Variants in LSM14A observed in about 807,000 individuals in gnomAD.
LSM14A encodes protein LSM14 homolog A.
In LSM14A, 14 loss-of-function variants were observed where a neutral mutation model predicts 52.4. That is an observed-to-expected ratio of 0.27 (90% CI 0.18 to 0.42). The LOEUF (loss-of-function observed/expected upper bound fraction) is 0.42, where lower values mean the gene tolerates loss of function less well. Ranked by LOEUF, LSM14A falls within the 10% of genes least tolerant of loss-of-function variation. LSM14A has a pLI of 1.00. For synonymous variants in LSM14A, 185 were observed against 200.3 expected, an observed-to-expected ratio of 0.92 and a Z score of 0.64; for missense variants, 417 against 581.8, an observed-to-expected ratio of 0.72 and a Z score of 2.91.
At chr19:34,204,967 A>C (rs2071572345) in intron 3 of LSM14A, among the ~76,000 whole-genome samples, 2 of 151,996 alleles carry the variant, frequency 1.3e-5, no homozygotes, top group Non-Finnish European at 2.9e-5. Context: ...ACTCGTCTCT[A>C]TTAAAAATAC....
chr19:34,218,255 C>T (rs1341288484), intron 6 of LSM14A, among the ~76,000 whole-genome samples: 3 of 152,150 alleles, frequency 2.0e-5, no homozygotes, highest in Non-Finnish European at 4.4e-5. Context: ...CCGCCCGCCC[C>T]GGCCTCCCAA....
intron 3 of LSM14A, among the ~76,000 whole-genome samples, chr19:34,206,453 G>A (rs1427319177): frequency 6.6e-6 from 1 of 151,930 alleles, no homozygotes; most frequent in Non-Finnish European, 1.5e-5. Context: ...CAGATCACGA[G>A]GTCAGGAGAT....
At position 34,227,789 on chromosome 19, in the gene LSM14A, G is replaced by GT. The variant is rs1297172800; in HGVS notation, c.*403dup. ...GATACTGTGTTTTGAGCCACAGAAGGTTGTGTGTGTGTGTGTGTGTGTGTG... is the reference window on the plus strand; with the variant it reads ...GATACTGTGTTTTGAGCCACAGAAGGTTTGTGTGTGTGTGTGTGTGTGTGTG... On this transcript the variant is annotated 3_prime_UTR_variant, in exon 10 of 10. Coordinates refer to ENST00000544216, the MANE Select transcript of LSM14A (RefSeq NM_015578.4). 146 of 125,590 alleles carry GT rather than the reference G, an allele frequency of 1.2e-3. No homozygotes were observed. The highest frequency in any genetic ancestry group is 4.5e-3 in the African/African-American group (125 of 28,080). 7.8% of individuals were successfully genotyped at this position (125,590 alleles called of 1,614,324 possible).
At chr19:34,185,920 T>G (rs1030931976) in intron 1 of LSM14A, among the ~76,000 whole-genome samples, 6 of 152,250 alleles carry the variant, frequency 3.9e-5, no homozygotes, top group African/African-American at 1.4e-4. Context: ...CACTTTCCCA[T>G]TCTATCAACA....
chr19:34,227,476 T>A lies in LSM14A; in HGVS notation c.*88T>A. On this transcript the variant is annotated 3_prime_UTR_variant, in exon 10 of 10. Transcript: ENST00000544216. ...TCAGTCTTTGCAAAGAATGAAGAAG[T>A]GAATTCGCTGTACATTTGTCACCAG... 1 of 1,002,684 alleles carries A rather than the reference T, an allele frequency of 1.0e-6. No homozygotes were observed. Among genetic ancestry groups the A allele is most frequent in the Non-Finnish European group, 1.5e-6 (1 of 678,712 alleles). 62.1% of individuals were successfully genotyped at this position (1,002,684 alleles called of 1,614,324 possible).
At chr19:34,221,363 T>A (rs560061968) in intron 8 of LSM14A, 144 bp from the exon 9 acceptor site, 1 of 950,228 alleles carries the variant, frequency 1.1e-6, no homozygotes, top group South Asian at 1.8e-5. Context: ...ATTACAGGCG[T>A]GAGCCATCAC....
intron 4 of LSM14A, among the ~76,000 whole-genome samples, chr19:34,212,790 A>G (rs2072267055): frequency 6.6e-6 from 1 of 152,210 alleles, no homozygotes; most frequent in Admixed American, 6.5e-5. Flanking sequence ...AGGCCTTAAT[A>G]GTGAAAAGGC....
intron 1 of LSM14A, among the ~76,000 whole-genome samples, chr19:34,181,513 C>T (rs753331485): frequency 2.6e-5 from 4 of 152,166 alleles, no homozygotes; most frequent in Admixed American, 1.3e-4. Flanking sequence ...TAGTCTCATT[C>T]TACTTCACCA....
rs1417944336 is a variant in LSM14A at position 34,211,421 on chromosome 19, T to A, written c.538+2370T>A. Reference sequence around the variant, plus strand: ...AAATATATAATAAGAAATAAGTTGGTCATACTAAGAAATATGACCAACTTC... The same window carrying A: ...AAATATATAATAAGAAATAAGTTGGACATACTAAGAAATATGACCAACTTC... On this transcript the variant is annotated intron_variant, in intron 4 of 9. Transcript: ENST00000544216. Among the ~76,000 whole-genome samples, 3 of 151,934 alleles carry A rather than the reference T, an allele frequency of 2.0e-5. No homozygotes were observed. The East Asian group carries it at 5.8e-4, about 29-fold the overall frequency.
At chr19:34,188,700 A>G (rs2070122705) in intron 1 of LSM14A, among the ~76,000 whole-genome samples, 1 of 152,114 alleles carries the variant, frequency 6.6e-6, no homozygotes, top group Non-Finnish European at 1.5e-5. Context: ...AAGGAATCAT[A>G]CACTGTGTGA....
chr19:34,211,795 A>C (rs185617454), intron 4 of LSM14A, among the ~76,000 whole-genome samples: 1,653 of 148,224 alleles, frequency 0.011, 14 homozygotes, highest in African/African-American at 0.015. Flanking sequence ...GTCCCCCCCC[A>C]AAAAAAAAAG....
chr19:34,218,113 C>T (rs1171999931), intron 6 of LSM14A, among the ~76,000 whole-genome samples: 1 of 151,578 alleles, frequency 6.6e-6, no homozygotes, highest in Non-Finnish European at 1.5e-5. Context: ...AAGCCATTCT[C>T]CTGCCTCAGC....
In LSM14A at chr19:34,196,703, A is replaced by T; in HGVS notation, c.355A>T (p.Thr119Ser). 6.2e-7 allele frequency: 1 copy of T among 1,613,704 alleles called. No individual in the cohort carries two copies. The highest frequency in any genetic ancestry group is 8.5e-7 in the Non-Finnish European group (1 of 1,179,900). Reference protein sequence around the residue: ...GSYGPFGRMPTYSQFSPSSLV... With the variant: ...GSYGPFGRMPSYSQFSPSSLV... ...TTATGGACCTTTCGGCAGGATGCCCACATACAGTCAGTTCAGTCCGAGTTC... is the reference window on the plus strand; with the variant it reads ...TTATGGACCTTTCGGCAGGATGCCCTCATACAGTCAGTTCAGTCCGAGTTC... The change falls in exon 3 of 10, where the codon ACA (threonine) becomes TCA (serine). Residue 119 changes from threonine to serine, a missense_variant. Thr to Ser is a moderately conservative substitution (Grantham distance 58). Transcript: ENST00000544216.
At chr19:34,218,014 T>TTTC (rs1491143723) in intron 6 of LSM14A, among the ~76,000 whole-genome samples, 28 of 89,152 alleles carry the variant, frequency 3.1e-4, no homozygotes, top group Admixed American at 4.8e-4. Context: ...TTTTTTTTTT[T>TTTC]CCCCCTGGAG....
chr19:34,192,039 C>G (rs2070416805), intron 1 of LSM14A, among the ~76,000 whole-genome samples: 1 of 151,868 alleles, frequency 6.6e-6, no homozygotes, highest in Admixed American at 6.6e-5. Context: ...GCAGAGGATA[C>G]TTACGTATGG....
At chr19:34,192,632 C>CAAAAAAAAAAA (rs548374017) in intron 1 of LSM14A, among the ~76,000 whole-genome samples, 9 of 76,952 alleles carry the variant, frequency 1.2e-4, no homozygotes, top group African/African-American at 2.5e-4. Context: ...ATCAGTTCTG[C>CAAAAAAAAAAA]AAAAAAAAAA....
intron 3 of LSM14A, chr19:34,208,190 A>T (rs2145769676): frequency 6.6e-6 from 1 of 152,260 alleles, no homozygotes; most frequent in Admixed American, 6.5e-5. Flanking sequence ...GTAAAGAATC[A>T]CTCTGACTAC....
intron 6 of LSM14A, among the ~76,000 whole-genome samples, chr19:34,216,468 T>G (rs2072605024): frequency 6.6e-6 from 1 of 152,162 alleles, no homozygotes. Context: ...GGTAGGCCTT[T>G]TTTTTTCTGA....
intron 1 of LSM14A, among the ~76,000 whole-genome samples, chr19:34,174,240 C>T (rs1045173273): frequency 6.6e-6 from 1 of 152,214 alleles, no homozygotes; most frequent in Non-Finnish European, 1.5e-5. Context: ...TGAGCCACCG[C>T]GCCCAGCCTC....
Sources: gnomAD v4.1 joint callset for allele counts (sites outside exome capture counted in the v4.1 genomes callset) on GRCh38, gnomAD v4.1.1 for gene constraint, MANE v1.5 for transcripts, NCBI Gene and HGNC (gene_info 2026-07-23, HGNC 2026-07-21) for gene names.